Variants in PLXNA4 observed in about 807,000 individuals in gnomAD.
The protein encoded by PLXNA4 is plexin A4.
A neutral mutation model predicts 191.8 loss-of-function variants in PLXNA4; 44 were observed. The ratio of observed to expected loss-of-function variants is 0.23; its 90% confidence interval spans 0.18 to 0.29. The LOEUF is 0.29. Among genes scored for constraint, PLXNA4 ranks in the 10% least tolerant of loss-of-function variants. The pLI, the probability that PLXNA4 is intolerant of heterozygous loss-of-function variation, is 1.00. For missense variants in PLXNA4, 1,800 were observed against 2,488.8 expected (o/e 0.72, Z 5.89); for synonymous variants, 1,082 against 1,009.5 (o/e 1.07, Z -1.36).
chr7:132,258,407 T>C (rs1302649255), intron 4 of PLXNA4, among the ~76,000 whole-genome samples: 1 of 152,246 alleles, frequency 6.6e-6, no homozygotes. Flanking sequence ...CTCTCACTCA[T>C]ACTTCAGCAC....
At chr7:132,367,096 A>C (rs776029227) in intron 3 of PLXNA4, among the ~76,000 whole-genome samples, 2 of 152,226 alleles carry the variant, frequency 1.3e-5, no homozygotes, top group Non-Finnish European at 2.9e-5. Context: ...TAAGCTAAGA[A>C]AGAGATATCT....
chr7:132,481,593 T>A (rs1220734712), intron 3 of PLXNA4, among the ~76,000 whole-genome samples: 1 of 152,176 alleles, frequency 6.6e-6, no homozygotes, highest in African/African-American at 2.4e-5. Flanking sequence ...TCCTGGTGCC[T>A]ACACGGTGTT....
rs557937086 is a variant in PLXNA4 at position 132,473,854 on chromosome 7, A to T, written c.1371+15438T>A. On this transcript the variant is annotated intron_variant, in intron 3 of 31. Transcript: ENST00000321063. The stretch of plus-strand genomic sequence containing the variant: ...AATGTGCAAGACTCCGTCTCAAACA[A>T]GAAAAAAAAAAAGAAATTAAAATGT... Among the ~76,000 whole-genome samples, 148 of 107,126 alleles carry T rather than the reference A, an allele frequency of 1.4e-3. 1 individual carries two copies. Among genetic ancestry groups the T allele is most frequent in the Admixed American group, 0.012 (145 of 11,702 alleles). The allele number at this position is 107,126 out of a possible 152,430, so 70.3% of individuals were successfully genotyped here. A position where few individuals can be genotyped will look rare whatever the true frequency, so the allele number is the denominator to read the frequency against.
chr7:132,570,678 G>A lies in PLXNA4; in HGVS notation c.-87+5744C>T, dbSNP rs142643239. Among the ~76,000 whole-genome samples, 16 of 152,320 alleles carry A rather than the reference G, an allele frequency of 1.1e-4. No homozygotes were observed. The East Asian group carries it at 3.1e-3, about 29-fold the overall frequency. ...CTTCATAATGAAAATACTCTACCCT[G>A]TAAGACCTCGGGAATTGATTCAGCG... On this transcript the variant is annotated intron_variant, in intron 1 of 31. Transcript: ENST00000321063.
intron 3 of PLXNA4, among the ~76,000 whole-genome samples, chr7:132,323,302 G>A (rs532549113): frequency 2.6e-5 from 4 of 152,336 alleles, no homozygotes; most frequent in Admixed American, 2.6e-4. Flanking sequence ...ACATGGGTGT[G>A]TTGAAGTGCT....
intron 3 of PLXNA4, among the ~76,000 whole-genome samples, chr7:132,402,315 C>T (rs1425340330): frequency 3.3e-5 from 5 of 152,128 alleles, no homozygotes; most frequent in Admixed American, 2.0e-4. Flanking sequence ...GACACCCTGA[C>T]GGTAGGCGGG....
intron 4 of PLXNA4, among the ~76,000 whole-genome samples, chr7:132,286,935 T>C (rs75483193): frequency 0.013 from 1,984 of 152,282 alleles, 38 homozygotes; most frequent in African/African-American, 0.045. Flanking sequence ...AGATGATAGA[T>C]AGGGGAAGCA....
intron 4 of PLXNA4, among the ~76,000 whole-genome samples, chr7:132,294,681 T>C (rs1801012864): frequency 6.6e-6 from 1 of 152,202 alleles, no homozygotes; most frequent in Non-Finnish European, 1.5e-5. Context: ...CGTAGAATTA[T>C]GGGAGCTACA....
chr7:132,517,138 T>A (rs1040731307), intron 1 of PLXNA4, among the ~76,000 whole-genome samples: 44 of 152,244 alleles, frequency 2.9e-4, no homozygotes, highest in African/African-American at 1.1e-3. Flanking sequence ...TGCAGGTGGA[T>A]TGGGAAGAGG....
At chr7:132,358,840 G>A (rs1035110064) in intron 3 of PLXNA4, among the ~76,000 whole-genome samples, 1 of 152,214 alleles carries the variant, frequency 6.6e-6, no homozygotes, top group East Asian at 1.9e-4. Context: ...GACAGAGCAG[G>A]GTGATTGAGA....
At chr7:132,518,458 G>A (rs570663993) in intron 1 of PLXNA4, among the ~76,000 whole-genome samples, 90 of 152,104 alleles carry the variant, frequency 5.9e-4, no homozygotes, top group African/African-American at 1.7e-3. Flanking sequence ...TCCTTCCGGT[G>A]TGCTTCCCTC....
At chr7:132,512,206 A>G (rs1161210174) in intron 1 of PLXNA4, among the ~76,000 whole-genome samples, 1 of 152,208 alleles carries the variant, frequency 6.6e-6, no homozygotes, top group Non-Finnish European at 1.5e-5. Context: ...TGAGGAGAGA[A>G]CTTCGCACAG....
At chr7:132,175,529 T>G (rs1030430651) in intron 20 of PLXNA4, among the ~76,000 whole-genome samples, 1 of 152,212 alleles carries the variant, frequency 6.6e-6, no homozygotes, top group Non-Finnish European at 1.5e-5. Context: ...TGTCCTTCCT[T>G]CCTCAAGGTG....
intron 14 of PLXNA4, among the ~76,000 whole-genome samples, chr7:132,189,848 G>T (rs1797033112): frequency 6.6e-6 from 1 of 152,144 alleles, no homozygotes; most frequent in South Asian, 2.1e-4. Context: ...ATGGGGGTGG[G>T]CCTCAATGAC....
intron 3 of PLXNA4, among the ~76,000 whole-genome samples, chr7:132,476,189 T>C (rs1386839620): frequency 6.6e-6 from 1 of 151,994 alleles, no homozygotes; most frequent in Non-Finnish European, 1.5e-5. Context: ...CACCTGAAAA[T>C]AGAAGGTGAA....
chr7:132,600,709 A>T (rs945220865), intron 2 of PLXNA4, among the ~76,000 whole-genome samples: 2 of 151,942 alleles, frequency 1.3e-5, no homozygotes, highest in Non-Finnish European at 2.9e-5. Context: ...GACTTTTTGT[A>T]TTTTCTAAAA....
At chr7:132,237,867 C>T (rs1023202367) in intron 5 of PLXNA4, among the ~76,000 whole-genome samples, 1 of 152,108 alleles carries the variant, frequency 6.6e-6, no homozygotes, top group Non-Finnish European at 1.5e-5. Context: ...AAATCGGTAC[C>T]CGTGGACACG....
intron 3 of PLXNA4, among the ~76,000 whole-genome samples, chr7:132,341,750 AG>A (rs1803037569): frequency 6.6e-6 from 1 of 152,166 alleles, no homozygotes; most frequent in Non-Finnish European, 1.5e-5. Flanking sequence ...TGAGTATTTT[AG>A]GGTTGAGTTC....
intron 3 of PLXNA4, among the ~76,000 whole-genome samples, chr7:132,392,726 G>A (rs951338246): frequency 3.9e-5 from 6 of 152,254 alleles, no homozygotes; most frequent in African/African-American, 1.4e-4. Context: ...GTCCTGGGGA[G>A]GATGGGCCGC....
Sources: allele counts gnomAD v4.1 joint callset (sites outside exome capture counted in the v4.1 genomes callset), GRCh38; gene constraint gnomAD v4.1.1; transcripts MANE v1.5; gene names NCBI Gene and HGNC (gene_info 2026-07-23, HGNC 2026-07-21).